The following IQGAP1 variants were observed in gnomAD, a reference collection of about 807,000 sequenced individuals.
IQGAP1 encodes the protein IQ motif containing GTPase activating protein 1.
A neutral mutation model predicts 215.6 loss-of-function variants in IQGAP1; 66 were observed. The observed-to-expected ratio is 0.31, with a 90% CI of 0.25 to 0.38. IQGAP1 has a LOEUF of 0.38. Ranked by LOEUF, IQGAP1 falls within the 10% of genes least tolerant of loss-of-function variation. IQGAP1 has a pLI of 1.00. For missense variants in IQGAP1, 1,712 were observed against 1,997.1 expected (o/e 0.86, Z 2.72); for synonymous variants, 772 against 728.7 (o/e 1.06, Z -0.96).
At chr15:90,428,904 T>C (rs1965264151) in intron 3 of IQGAP1, among the ~76,000 whole-genome samples, 1 of 152,106 alleles carries the variant, frequency 6.6e-6, no homozygotes, top group Non-Finnish European at 1.5e-5. Context: ...TAGGCTGGAG[T>C]GCAGTGGTGC....
At chr15:90,449,378 C>T (rs1385600065) in intron 10 of IQGAP1, among the ~76,000 whole-genome samples, 181 bp from the exon 11 acceptor site, 1 of 152,154 alleles carries the variant, frequency 6.6e-6, no homozygotes, top group Non-Finnish European at 1.5e-5. Flanking sequence ...CACTCTACCC[C>T]AGCTTTGGCA....
In IQGAP1 at chr15:90,424,190, A is replaced by G. The variant is rs1193765822; in HGVS notation, c.156-1920A>G. Among the ~76,000 whole-genome samples, 10 of 152,140 alleles carry G rather than the reference A, an allele frequency of 6.6e-5. 1 individual carries two copies. Among genetic ancestry groups the G allele is most frequent in the Admixed American group, 5.2e-4 (8 of 15,272 alleles). On this transcript the variant is annotated intron_variant, in intron 2 of 37. Coordinates refer to ENST00000268182, the MANE Select transcript of IQGAP1 (RefSeq NM_003870.4). ...TGATTTTATCAACATCCTTTTTAGC[A>G]GTAAAAAGATGAGATGTGTCCTTGA...
intron 2 of IQGAP1, among the ~76,000 whole-genome samples, chr15:90,420,208 A>G (rs1965113562): frequency 6.6e-6 from 1 of 152,146 alleles, no homozygotes; most frequent in South Asian, 2.1e-4. Flanking sequence ...TTCACTTGCA[A>G]TCTTATTTAA....
chr15:90,388,290 C>T lies in IQGAP1; in HGVS notation c.-52C>T. 1 of 1,588,086 alleles carries T rather than the reference C, an allele frequency of 6.3e-7. No homozygotes were observed. The highest frequency in any genetic ancestry group is 8.6e-7 in the Non-Finnish European group (1 of 1,167,150). On this transcript the variant is annotated 5_prime_UTR_variant, in exon 1 of 38. Transcript: ENST00000268182. Reference sequence around the variant, plus strand: ...GGCAGGAGCTGTAGCTACCGCCGTCCGCGCCTCCAAGGTTTCACGGCTTCC... The same window carrying T: ...GGCAGGAGCTGTAGCTACCGCCGTCTGCGCCTCCAAGGTTTCACGGCTTCC...
intron 32 of IQGAP1, 149 bp downstream of exon 32, chr15:90,487,238 A>G (rs551064526): frequency 2.6e-6 from 2 of 775,434 alleles, no homozygotes; most frequent in Non-Finnish European, 4.3e-6. Context: ...CGCATATTGT[A>G]CTTGGTACAG....
intron 4 of IQGAP1, 82 bp downstream of exon 4, chr15:90,429,748 G>A (rs1373205174): frequency 1.3e-6 from 1 of 767,846 alleles, no homozygotes; most frequent in Non-Finnish European, 2.1e-6. Context: ...CATTCTACCT[G>A]TAAAATTATT....
intron 2 of IQGAP1, among the ~76,000 whole-genome samples, chr15:90,421,539 C>T (rs1239518382): frequency 6.6e-6 from 1 of 151,450 alleles, no homozygotes; most frequent in Non-Finnish European, 1.5e-5. Flanking sequence ...AAAGGAGTCT[C>T]TGTTGATTGA....
At chr15:90,454,588 C>A in intron 14 of IQGAP1, 36 bp downstream of exon 14, 1 of 1,498,830 alleles carries the variant, frequency 6.7e-7, no homozygotes, top group Non-Finnish European at 8.9e-7. Context: ...AATAATGTCA[C>A]CATTAATGAT....
At chr15:90,418,335 C>T (rs1200007910) in intron 2 of IQGAP1, among the ~76,000 whole-genome samples, 3 of 152,008 alleles carry the variant, frequency 2.0e-5, no homozygotes, top group Non-Finnish European at 4.4e-5. Flanking sequence ...GCCTATAATC[C>T]TTGCACTTTG....
chr15:90,418,879 G>A (rs533298577), intron 2 of IQGAP1, among the ~76,000 whole-genome samples: 2 of 152,256 alleles, frequency 1.3e-5, no homozygotes, highest in East Asian at 3.9e-4. Context: ...CTGGTTCGTG[G>A]CTCACGCCTG....
chr15:90,491,599 C>T (rs1442769900), intron 34 of IQGAP1, 54 bp downstream of exon 34: 7 of 1,415,008 alleles, frequency 4.9e-6, no homozygotes, highest in Admixed American at 3.5e-5. Flanking sequence ...CTGAGAGGCT[C>T]GAGAGACAGT....
At chr15:90,415,411 C>A (rs1230979167) in intron 2 of IQGAP1, among the ~76,000 whole-genome samples, 4 of 152,038 alleles carry the variant, frequency 2.6e-5, no homozygotes, top group African/African-American at 9.7e-5. Flanking sequence ...TTAAAAATGG[C>A]CTTACAGAAG....
chr15:90,480,440 A>G (rs997457638), intron 26 of IQGAP1, among the ~76,000 whole-genome samples: 3 of 152,128 alleles, frequency 2.0e-5, no homozygotes, highest in East Asian at 3.8e-4. Flanking sequence ...GTTCTGTTCT[A>G]TCACCAACGT....
At chr15:90,496,646 C>T (rs1966278619) in intron 36 of IQGAP1, 1 of 152,086 alleles carries the variant, frequency 6.6e-6, no homozygotes, top group Admixed American at 6.6e-5. Flanking sequence ...CTTTTGGCCC[C>T]CCAAAATTTC....
intron 2 of IQGAP1, chr15:90,393,982 A>G (rs988359526): frequency 6.6e-6 from 1 of 152,244 alleles, no homozygotes; most frequent in African/African-American, 2.4e-5. Flanking sequence ...CTAAAAATAC[A>G]AAATTAGTCG....
rs533143551 is a variant in IQGAP1 at position 90,452,996 on chromosome 15, A to G, written c.1326+58A>G. ...AAAGTTGGGTGGACGTGAGTGTAAT[A>G]CCCACTTCTTCCTGTGGTTAGGTAG... is the stretch of plus-strand genomic sequence containing the variant. On this transcript the variant is annotated intron_variant, in intron 12 of 37. Coordinates refer to ENST00000268182, the MANE Select transcript of IQGAP1 (RefSeq NM_003870.4). The G allele has an allele frequency of 1.1e-4, 175 of 1,590,452 alleles. 2 individuals are homozygous for G. In the South Asian group the frequency reaches 1.8e-3, roughly 16 times the overall value.
chr15:90,394,023 T>C (rs1034459598), intron 2 of IQGAP1: 4 of 151,756 alleles, frequency 2.6e-5, no homozygotes, highest in African/African-American at 9.7e-5. Context: ...TAATCCCAGC[T>C]ACTCGGGAGG....
intron 5 of IQGAP1, among the ~76,000 whole-genome samples, chr15:90,435,308 T>G (rs897567605): frequency 4.6e-5 from 7 of 152,012 alleles, no homozygotes; most frequent in African/African-American, 1.2e-4. Context: ...GAGACCCCAT[T>G]TCTACAAGAA....
intron 3 of IQGAP1, among the ~76,000 whole-genome samples, chr15:90,427,985 A>G (rs1965248915): frequency 6.6e-6 from 1 of 152,182 alleles, no homozygotes; most frequent in Non-Finnish European, 1.5e-5. Flanking sequence ...CGGTATAGGT[A>G]CTCAGCCAAA....
Sources: allele counts gnomAD v4.1 joint callset (sites outside exome capture counted in the v4.1 genomes callset), GRCh38; gene constraint gnomAD v4.1.1; transcripts MANE v1.5; gene names NCBI Gene and HGNC (gene_info 2026-07-23, HGNC 2026-07-21).